Variants in LANCL1 observed in about 807,000 individuals in gnomAD.
The protein encoded by LANCL1 is LanC like glutathione S-transferase 1, also known as glutathione S-transferase LANCL1.
A neutral mutation model predicts 50.6 loss-of-function variants in LANCL1; 50 were observed. The ratio of observed to expected loss-of-function variants is 0.99; its 90% CI spans 0.79 to 1.25. The LOEUF is 1.25. LANCL1 is among the 50% of genes most tolerant of loss of function. The probability of loss-of-function intolerance (pLI) is 0.00; values close to 1 mark genes in which losing one functional copy is unlikely to be tolerated. For missense variants in LANCL1, 532 were observed against 480.7 expected (o/e 1.11, Z -1.00); for synonymous variants, 188 against 178.6 (o/e 1.05, Z -0.42).
chr2:210,468,131 A>G (rs2105924323), intron 3 of LANCL1: 1 of 152,222 alleles, frequency 6.6e-6, no homozygotes, highest in East Asian at 1.9e-4. Context: ...ATGATTCGAC[A>G]TTCCTATAAT....
In LANCL1 at chr2:210,441,734, T is replaced by C. The variant is rs560969351; in HGVS notation, c.408-291A>G. 1.4e-3 allele frequency among the ~76,000 whole-genome samples: 218 copies of C among 152,236 alleles called. 2 individuals are homozygous for C. Among genetic ancestry groups the C allele is most frequent in the African/African-American group, 5.0e-3 (208 of 41,526 alleles). ...GAGGCAGGCCCTAAGGTGAGTATTT[T>C]AGCAGTTGGGGTCAAAGAAGCCAAG... On this transcript the variant is annotated intron_variant, in intron 4 of 9. Coordinates refer to ENST00000450366, the MANE Select transcript of LANCL1 (RefSeq NM_006055.3).
At chr2:210,468,703 T>C (rs1694141861) in intron 3 of LANCL1, 1 of 152,234 alleles carries the variant, frequency 6.6e-6, no homozygotes, top group Non-Finnish European at 1.5e-5. Context: ...GCTGATGTAA[T>C]GACTGGATCT....
intron 4 of LANCL1, among the ~76,000 whole-genome samples, chr2:210,447,260 A>C (rs1693371057): frequency 6.6e-6 from 1 of 152,008 alleles, no homozygotes; most frequent in Non-Finnish European, 1.5e-5. Context: ...CTTCATAAGC[A>C]AAGGAGAAAT....
At chr2:210,455,007 T>C (rs973629239) in intron 4 of LANCL1, 100 bp downstream of exon 4, 2 of 966,738 alleles carry the variant, frequency 2.1e-6, no homozygotes, top group Non-Finnish European at 3.1e-6. Flanking sequence ...ATTTATCTGC[T>C]AAGAGAAAAG....
Position 210,434,251 on chromosome 2 carries a change from C to T in LANCL1, c.*236G>A. The stretch of plus-strand genomic sequence containing the variant: ...ATCTCAAAACACTGTACATATCACT[C>T]ACTCTCCCTTTAGGAAGAAATGGAA... On this transcript the variant is annotated 3_prime_UTR_variant, in exon 10 of 10. Coordinates refer to ENST00000450366, the MANE Select transcript of LANCL1 (RefSeq NM_006055.3). 2.2e-6 allele frequency: 1 copy of T among 459,710 alleles called. No individual in the cohort carries two copies. Among genetic ancestry groups the T allele is most frequent in the Non-Finnish European group, 3.9e-6 (1 of 257,844 alleles). The allele number at this position is 459,710 out of a possible 1,614,324, so 28.5% of individuals were successfully genotyped here.
chr2:210,448,354 G>A lies in LANCL1; in HGVS notation c.407+6753C>T, dbSNP rs148172515. Among the ~76,000 whole-genome samples, 600 of 152,260 alleles carry A rather than the reference G, an allele frequency of 3.9e-3. 6 individuals carry two copies. The highest frequency in any genetic ancestry group is 0.014 in the African/African-American group (563 of 41,546). On this transcript the variant is annotated intron_variant, in intron 4 of 9. Transcript: ENST00000450366. ...ATCTCTGGCATACAGCTAAAGCAGCGTTTAGAGGGAAATTTATAGCACTAA... is the reference window on the plus strand; with the variant it reads ...ATCTCTGGCATACAGCTAAAGCAGCATTTAGAGGGAAATTTATAGCACTAA...
chr2:210,472,783 C>A (rs1345859101), intron 2 of LANCL1, among the ~76,000 whole-genome samples: 7 of 152,166 alleles, frequency 4.6e-5, no homozygotes, highest in Non-Finnish European at 1.0e-4. Flanking sequence ...ACTGCCACGC[C>A]AATTTCAAAA....
At chr2:210,464,992 C>A (rs1438269804) in intron 3 of LANCL1, among the ~76,000 whole-genome samples, 1 of 137,214 alleles carries the variant, frequency 7.3e-6, no homozygotes, top group Non-Finnish European at 1.6e-5. Context: ...AAAAAAAAAA[C>A]TTATGCGTAC....
rs1692799306 is a variant in LANCL1, at chr2:210,433,052, T to C, written c.*1435A>G. The C allele has an allele frequency of 6.6e-6, 1 of 152,634 alleles. No homozygotes were observed. The highest frequency in any genetic ancestry group is 1.5e-5 in the Non-Finnish European group (1 of 68,036). 9.5% of individuals were successfully genotyped at this position (152,634 alleles called of 1,614,324 possible). On this transcript the variant is annotated 3_prime_UTR_variant, in exon 10 of 10. Transcript: ENST00000450366. ...CACTCAGTGGGGATTTGGTTTGAAGTTCCAATAAAAATAGCATGTTTTTGT... is the reference window on the plus strand; with the variant it reads ...CACTCAGTGGGGATTTGGTTTGAAGCTCCAATAAAAATAGCATGTTTTTGT...
chr2:210,467,096 TAGA>T (rs1205338489), intron 3 of LANCL1, among the ~76,000 whole-genome samples: 4 of 152,116 alleles, frequency 2.6e-5, no homozygotes, highest in Non-Finnish European at 4.4e-5. Context: ...GAGGAAGATA[TAGA>T]AGAAGCAGCA....
At chr2:210,475,275 T>A (rs377633890) in intron 2 of LANCL1, among the ~76,000 whole-genome samples, 8 of 152,334 alleles carry the variant, frequency 5.3e-5, no homozygotes, top group South Asian at 2.1e-4. Flanking sequence ...AGAAATAAAC[T>A]GGTAAAATTT....
chr2:210,470,336 T>C (rs1694190712), intron 3 of LANCL1, among the ~76,000 whole-genome samples: 1 of 152,200 alleles, frequency 6.6e-6, no homozygotes, highest in South Asian at 2.1e-4. Context: ...CAACATTATC[T>C]AGTCCAGTCT....
At chr2:210,446,861 A>G (rs1559710994) in intron 4 of LANCL1, among the ~76,000 whole-genome samples, 1 of 152,194 alleles carries the variant, frequency 6.6e-6, no homozygotes, top group African/African-American at 2.4e-5. Flanking sequence ...ATGTGAAAAG[A>G]TCAAACCTAC....
At position 210,455,189 on chromosome 2, in the gene LANCL1, C is replaced by T; in HGVS notation, c.325G>A (p.Gly109Arg). Residue 109 changes from glycine (G) to arginine (R), a missense_variant, in exon 4 of 10, where the codon GGG becomes AGG. Physicochemically the swap from Gly to Arg is moderately radical, Grantham distance 125 (BLOSUM62 -2). Transcript: ENST00000450366. ...GCCACTGCCAGGGGGCCTGCATCCCCACAAAGGAAGGTGATGGAGCGCTTG... is the reference window on the plus strand; with the variant it reads ...GCCACTGCCAGGGGGCCTGCATCCCTACAAAGGAAGGTGATGGAGCGCTTG... The part of the protein sequence containing the change: ...LTKRSITFLC[G>R]DAGPLAVAAV... The T allele has an allele frequency of 1.9e-6, 3 of 1,613,702 alleles. No individual in the cohort carries two copies. The highest frequency in any genetic ancestry group is 1.3e-5 in the African/African-American group (1 of 74,990).
chr2:210,442,493 A>C (rs1693174986), intron 4 of LANCL1: 1 of 152,242 alleles, frequency 6.6e-6, no homozygotes. Context: ...CCCTACGGAT[A>C]GACTCAGTTG....
chr2:210,453,117 G>A (rs549028724), intron 4 of LANCL1, among the ~76,000 whole-genome samples: 35 of 152,028 alleles, frequency 2.3e-4, no homozygotes, highest in Non-Finnish European at 4.0e-4. Context: ...CACAAATAGT[G>A]TATTTTCCTA....
intron 8 of LANCL1, 152 bp from the exon 9 acceptor site, chr2:210,435,611 A>G: frequency 1.5e-6 from 1 of 653,102 alleles, no homozygotes. Flanking sequence ...GATGGTTTGA[A>G]AGAGTACACA....
chr2:210,445,872 G>T (rs1385547918), intron 4 of LANCL1, among the ~76,000 whole-genome samples: 2 of 152,068 alleles, frequency 1.3e-5, no homozygotes, highest in Admixed American at 6.5e-5. Context: ...AGAGTTTTTG[G>T]CCTTGTATTA....
chr2:210,451,550 G>C (rs865943040), intron 4 of LANCL1, among the ~76,000 whole-genome samples: 6 of 152,230 alleles, frequency 3.9e-5, no homozygotes, highest in Middle Eastern at 3.4e-3. Flanking sequence ...TACTTTTTCA[G>C]TTTAGGTGCC....
Sources: gnomAD v4.1 joint callset for allele counts (sites outside exome capture counted in the v4.1 genomes callset) on GRCh38, gnomAD v4.1.1 for gene constraint, MANE v1.5 for transcripts, NCBI Gene and HGNC (gene_info 2026-07-23, HGNC 2026-07-21) for gene names.